The following PCDH15 variants were observed in gnomAD, a reference collection of about 807,000 sequenced individuals.
PCDH15 encodes the protein protocadherin-15.
PCDH15 carries 129 observed loss-of-function variants against 178.5 expected under a neutral mutation model. The observed-to-expected ratio is 0.72, with a 90% confidence interval of 0.63 to 0.84. PCDH15 has a LOEUF of 0.84. Ranked by LOEUF, PCDH15 falls within the 40% of genes least tolerant of loss-of-function variation. The pLI, the probability that PCDH15 is intolerant of heterozygous loss-of-function variation, is 0.00. For missense variants in PCDH15, 2,230 were observed against 2,099.9 expected (o/e 1.06, Z -1.21); for synonymous variants, 800 against 732.0 (o/e 1.09, Z -1.50).
chr10:54,081,100 A>G (rs1303734063), intron 16 of PCDH15, among the ~76,000 whole-genome samples: 1 of 152,128 alleles, frequency 6.6e-6, no homozygotes, highest in East Asian at 1.9e-4. Context: ...TACAAAACTC[A>G]CGTGATAACT....
chr10:54,469,365 G>C (rs942348281), intron 3 of PCDH15, among the ~76,000 whole-genome samples: 11 of 152,184 alleles, frequency 7.2e-5, no homozygotes, highest in Non-Finnish European at 1.6e-4. Context: ...CCAAAGTGCA[G>C]GGATTACAGG....
intron 2 of PCDH15, among the ~76,000 whole-genome samples, chr10:54,576,875 A>T (rs2090525094): frequency 6.6e-6 from 1 of 152,152 alleles, no homozygotes; most frequent in South Asian, 2.1e-4. Flanking sequence ...AGTGTGTTTC[A>T]GACATTTGTG....
At chr10:55,185,889 A>G (rs570490272) in intron 1 of PCDH15, among the ~76,000 whole-genome samples, 1 of 151,928 alleles carries the variant, frequency 6.6e-6, no homozygotes, top group East Asian at 1.9e-4. Flanking sequence ...ATATTTATAC[A>G]TTTGAATATT....
At chr10:54,849,551 C>G (rs1249113739) in intron 3 of PCDH15, among the ~76,000 whole-genome samples, 1 of 152,136 alleles carries the variant, frequency 6.6e-6, no homozygotes, top group African/African-American at 2.4e-5. Context: ...CCTATTTCCG[C>G]TGGGGCTTTT....
chr10:54,411,021 GTA>G (rs755885715), intron 3 of PCDH15, among the ~76,000 whole-genome samples: 2 of 152,162 alleles, frequency 1.3e-5, no homozygotes, highest in Non-Finnish European at 2.9e-5. Context: ...TAGAGTTTAA[GTA>G]TGTGTCTCTG....
At chr10:55,401,868 C>T (rs958334035) in intron 2 of PCDH15, among the ~76,000 whole-genome samples, 1 of 151,944 alleles carries the variant, frequency 6.6e-6, no homozygotes, top group Non-Finnish European at 1.5e-5. Flanking sequence ...CTCATTAAAA[C>T]GTTTAATTTT....
chr10:55,288,870 GATAT>G (rs143549237), intron 1 of PCDH15, among the ~76,000 whole-genome samples: 5 of 146,182 alleles, frequency 3.4e-5, no homozygotes, highest in African/African-American at 5.1e-5. Flanking sequence ...AATTCTATTA[GATAT>G]ATATATATAT....
chr10:54,745,856 T>C (rs956370114), intron 1 of PCDH15, among the ~76,000 whole-genome samples: 7 of 152,172 alleles, frequency 4.6e-5, no homozygotes, highest in African/African-American at 1.4e-4. Flanking sequence ...TAGCATTAAG[T>C]GAGCCAAGAA....
At chr10:54,301,799 A>G (rs1441739315) in intron 8 of PCDH15, among the ~76,000 whole-genome samples, 3 of 152,212 alleles carry the variant, frequency 2.0e-5, no homozygotes, top group Non-Finnish European at 1.5e-5. Flanking sequence ...TTGAGAGGGG[A>G]GAATTCATTG....
At position 55,314,934 on chromosome 10, in the gene PCDH15, T is replaced by C. The variant is rs1843685701; in HGVS notation, c.-156+4665A>G. ...ATTAAAATAATTGAATACATTATTA[T>C]TAAGAATCACAGAAACATACTATAA... is the stretch of plus-strand genomic sequence containing the variant. On this transcript the variant is annotated intron_variant, in intron 1 of 5. Coordinates refer to the PCDH15 transcript ENST00000458638. 3.3e-5 allele frequency among the ~76,000 whole-genome samples: 5 copies of C among 152,298 alleles called. No homozygotes were observed. In the South Asian group the frequency reaches 1.0e-3, roughly 32 times the overall value.
At chr10:54,651,400 G>T (rs1189184647) in intron 2 of PCDH15, among the ~76,000 whole-genome samples, 1 of 152,170 alleles carries the variant, frequency 6.6e-6, no homozygotes, top group Non-Finnish European at 1.5e-5. Context: ...AATGTTAGGA[G>T]ATACTTGAGA....
intron 3 of PCDH15, among the ~76,000 whole-genome samples, chr10:54,381,192 T>A (rs1050910336): frequency 2.0e-5 from 3 of 152,048 alleles, no homozygotes; most frequent in Non-Finnish European, 4.4e-5. Context: ...TTTTTAAAAA[T>A]TAACCTAAGT....
intron 2 of PCDH15, among the ~76,000 whole-genome samples, chr10:55,036,696 CAGA>C (rs899515398): frequency 6.6e-6 from 1 of 152,144 alleles, no homozygotes; most frequent in Non-Finnish European, 1.5e-5. Context: ...TATTTGTCCT[CAGA>C]AGATCTGTTA....
chr10:55,298,083 G>A (rs1256896910), intron 1 of PCDH15, among the ~76,000 whole-genome samples: 1 of 152,064 alleles, frequency 6.6e-6, no homozygotes, highest in Non-Finnish European at 1.5e-5. Flanking sequence ...AGAGCTCCCG[G>A]ACAGATTTCA....
At chr10:54,839,869 G>A (rs907755413) in intron 3 of PCDH15, among the ~76,000 whole-genome samples, 2 of 151,806 alleles carry the variant, frequency 1.3e-5, no homozygotes, top group African/African-American at 4.8e-5. Context: ...TATTCAAAGT[G>A]CTGAAGGAAA....
chr10:55,062,018 C>A (rs1841447064), intron 2 of PCDH15, among the ~76,000 whole-genome samples: 1 of 152,034 alleles, frequency 6.6e-6, no homozygotes, highest in South Asian at 2.1e-4. Context: ...GACTCATTCT[C>A]AAAAAAGTAA....
intron 2 of PCDH15, among the ~76,000 whole-genome samples, chr10:55,527,231 G>C (rs1017783708): frequency 6.6e-6 from 1 of 152,004 alleles, no homozygotes; most frequent in African/African-American, 2.4e-5. Flanking sequence ...CTTACAAAAA[G>C]AGAAACATAT....
At chr10:53,961,949 T>C (rs2088381048) in intron 21 of PCDH15, 57 bp from the exon 22 acceptor site, 5 of 1,344,624 alleles carry the variant, frequency 3.7e-6, no homozygotes, top group African/African-American at 1.5e-5. Context: ...CACAGTGCAA[T>C]GATAATATTA....
intron 3 of PCDH15, among the ~76,000 whole-genome samples, chr10:54,423,570 C>T (rs1240310929): frequency 6.6e-6 from 1 of 151,782 alleles, no homozygotes; most frequent in African/African-American, 2.4e-5. Context: ...GAAGTCTGAA[C>T]TTGTTGAAAC....
Sources: allele counts gnomAD v4.1 joint callset (sites outside exome capture counted in the v4.1 genomes callset), GRCh38; gene constraint gnomAD v4.1.1; transcripts MANE v1.5; gene names NCBI Gene and HGNC (gene_info 2026-07-23, HGNC 2026-07-21).